OSBP2: variants seen among roughly 807,000 people sequenced by gnomAD.
OSBP2 encodes the protein oxysterol binding protein 2, also known as oxysterol-binding protein 2.
OSBP2 carries 66 observed loss-of-function variants against 96.0 expected under a neutral mutation model. That is an observed-to-expected ratio of 0.69 (90% CI 0.56 to 0.84). OSBP2 has a LOEUF of 0.84. OSBP2 is among the 40% of genes least tolerant of loss of function. The pLI, the probability that OSBP2 is intolerant of heterozygous loss-of-function variation, is 0.00. For synonymous variants in OSBP2, 525 were observed against 520.9 expected, an observed-to-expected ratio of 1.01 and a Z score of -0.11; for missense variants, 1,038 against 1,222.7, an observed-to-expected ratio of 0.85 and a Z score of 2.25.
At position 30,839,766 on chromosome 22, in the gene OSBP2, C is replaced by T. The variant is rs1005577754; in HGVS notation, c.854-30663C>T. Among the ~76,000 whole-genome samples the T allele has an allele frequency of 1.8e-4, 28 of 151,814 alleles. 2 individuals carry two copies. In the East Asian group the frequency reaches 3.9e-3, roughly 21 times the overall value. ...AGCCCTTTGTCAGATGAGTAGGTTG[C>T]GAAAATTTTCTCCCATTTTGTAGGT... is the stretch of plus-strand genomic sequence containing the variant. On this transcript the variant is annotated intron_variant, in intron 2 of 13. Transcript: ENST00000332585.
rs1569152890 is a variant in OSBP2, at chr22:30,858,138, TG to T, written c.854-12290del. Reference sequence around the variant, plus strand: ...TCACTTTGTTTTTTTTTTGTTTGTTTGTTTGTTTGTTTGTTTTTTGAGACGG... The same window carrying T: ...TCACTTTGTTTTTTTTTTGTTTGTTTTTTGTTTGTTTGTTTTTTGAGACGG... On this transcript the variant is annotated intron_variant, in intron 2 of 13. Transcript: ENST00000332585. Among the ~76,000 whole-genome samples, 388 of 91,706 alleles carry T rather than the reference TG, an allele frequency of 4.2e-3. 11 individuals carry two copies. The highest frequency in any genetic ancestry group is 0.011 in the Middle Eastern group (2 of 180). The allele number at this position is 91,706 out of a possible 152,430, so 60.2% of individuals were successfully genotyped here.
At chr22:30,848,633 C>A (rs150331928) in intron 2 of OSBP2, among the ~76,000 whole-genome samples, 1,662 of 152,258 alleles carry the variant, frequency 0.011, 40 homozygotes, top group African/African-American at 0.038. Context: ...GATCTTTATG[C>A]ACTATAGTTT....
At chr22:30,736,850 T>G (rs1027655067) in intron 1 of OSBP2, among the ~76,000 whole-genome samples, 4 of 152,262 alleles carry the variant, frequency 2.6e-5, no homozygotes, top group Non-Finnish European at 4.4e-5. Flanking sequence ...TACTTTTGTT[T>G]AGGAATATCT....
chr22:30,889,341 C>A, intron 6 of OSBP2, 107 bp downstream of exon 6: 1 of 1,416,658 alleles, frequency 7.1e-7, no homozygotes, highest in Non-Finnish European at 9.8e-7. Context: ...GGCCCATGCC[C>A]CAGTCCAGGA....
intron 2 of OSBP2, among the ~76,000 whole-genome samples, chr22:30,834,159 C>T (rs2038586109): frequency 6.6e-6 from 1 of 152,036 alleles, no homozygotes; most frequent in Admixed American, 6.6e-5. Context: ...AGGTGATCCT[C>T]CCACTTCAGC....
intron 2 of OSBP2, among the ~76,000 whole-genome samples, chr22:30,803,654 C>A (rs2090886885): frequency 6.6e-6 from 1 of 152,256 alleles, no homozygotes; most frequent in South Asian, 2.1e-4. Context: ...AGCCCTTTCC[C>A]TGCCTCCTTC....
chr22:30,797,133 A>G (rs2090775987), intron 2 of OSBP2, among the ~76,000 whole-genome samples: 1 of 152,180 alleles, frequency 6.6e-6, no homozygotes, highest in African/African-American at 2.4e-5. Flanking sequence ...TTCCCTTAGC[A>G]TAATGTCTTC....
At chr22:30,864,241 G>A (rs111668474) in intron 2 of OSBP2, among the ~76,000 whole-genome samples, 18,800 of 152,142 alleles carry the variant, frequency 0.12, 1,396 homozygotes, top group African/African-American at 0.21. Context: ...CAAAGTGCTG[G>A]GATTACATCA....
Position 30,695,529 on chromosome 22 carries a change from G to A in OSBP2, c.620G>A (p.Gly207Asp). 2.5e-6 allele frequency: 4 copies of A among 1,610,406 alleles called. No individual in the cohort carries two copies. The highest frequency in any genetic ancestry group is 3.4e-6 in the Non-Finnish European group (4 of 1,179,964). Residue 207 changes from glycine (G) to aspartate (D), a missense_variant, in exon 1 of 14, where the codon GGC becomes GAC. This residue lies in a region of OSBP2 where 281 missense variants were observed against 273.4 expected (regional missense o/e 1.03). Transcript: ENST00000332585. ...KGYQRRWFVL[G>D]NGLLSYYRNQ... is the part of the protein sequence containing the mutation. Reference sequence around the variant, plus strand: ...TACCAGCGCCGCTGGTTCGTGCTGGGCAATGGTTTGCTCTCTTACTACAGG... The same window carrying A: ...TACCAGCGCCGCTGGTTCGTGCTGGACAATGGTTTGCTCTCTTACTACAGG...
chr22:30,713,936 A>G (rs2089402132), intron 1 of OSBP2, among the ~76,000 whole-genome samples: 1 of 152,156 alleles, frequency 6.6e-6, no homozygotes, highest in Non-Finnish European at 1.5e-5. Context: ...TCTTCCGGTT[A>G]TTTGAAAATA....
chr22:30,884,946 C>T (rs1293544252), intron 3 of OSBP2, among the ~76,000 whole-genome samples: 1 of 152,186 alleles, frequency 6.6e-6, no homozygotes, highest in African/African-American at 2.4e-5. Context: ...AGGGGCAGGC[C>T]GTTGCCTGGG....
At chr22:30,855,671 T>C (rs1180204430) in intron 2 of OSBP2, among the ~76,000 whole-genome samples, 2 of 152,126 alleles carry the variant, frequency 1.3e-5, no homozygotes, top group Non-Finnish European at 2.9e-5. Context: ...CACTACATGC[T>C]AATCAGAGCC....
intron 1 of OSBP2, among the ~76,000 whole-genome samples, chr22:30,726,513 A>G (rs942435067): frequency 1.6e-4 from 24 of 152,144 alleles, no homozygotes; most frequent in Non-Finnish European, 2.8e-4. Context: ...GAGCATTAGG[A>G]CAAATACCTA....
In OSBP2 at chr22:30,715,788, C is replaced by T. The variant is rs539937565; in HGVS notation, c.644+20235C>T. On this transcript the variant is annotated intron_variant, in intron 1 of 13. Coordinates refer to ENST00000332585, the MANE Select transcript of OSBP2 (RefSeq NM_030758.4). ...GCCAGGCTGGTCTTGAACTCCTGAC[C>T]GCAGGCGACCTTCCCACCTTGGCCT... Among the ~76,000 whole-genome samples, 12 of 151,436 alleles carry T rather than the reference C, an allele frequency of 7.9e-5. No homozygotes were observed. In the East Asian group the frequency reaches 1.6e-3, roughly 20 times the overall value.
At position 30,849,129 on chromosome 22, in the gene OSBP2, A is replaced by T. The variant is rs1280028590; in HGVS notation, c.854-21300A>T. ...AAAAAAATTTAAAAATTAGCCAGGC[A>T]TGATGGTGCACGCCTGTAGTCCTAG... On this transcript the variant is annotated intron_variant, in intron 2 of 13. Coordinates refer to ENST00000332585, the MANE Select transcript of OSBP2 (RefSeq NM_030758.4). 2.6e-5 allele frequency among the ~76,000 whole-genome samples: 4 copies of T among 152,220 alleles called. No individual in the cohort carries two copies. In the South Asian group the frequency reaches 8.3e-4, roughly 32 times the overall value.
chr22:30,842,145 T>C (rs2038765383), intron 2 of OSBP2, among the ~76,000 whole-genome samples: 2 of 152,028 alleles, frequency 1.3e-5, no homozygotes, highest in South Asian at 4.2e-4. Context: ...CAGAGTTTTA[T>C]CGTGTCACCC....
At chr22:30,722,579 T>C (rs1172766866) in intron 1 of OSBP2, among the ~76,000 whole-genome samples, 1 of 152,160 alleles carries the variant, frequency 6.6e-6, no homozygotes, top group African/African-American at 2.4e-5. Context: ...ATTTTGTTTA[T>C]AGTTTCTGGA....
chr22:30,829,193 C>T (rs565350398), intron 2 of OSBP2, among the ~76,000 whole-genome samples: 3 of 152,326 alleles, frequency 2.0e-5, no homozygotes, highest in East Asian at 1.9e-4. Context: ...TTGGCGTTCA[C>T]GGGTTGGCGT....
intron 1 of OSBP2, among the ~76,000 whole-genome samples, chr22:30,714,391 C>T (rs1394351856): frequency 6.6e-6 from 1 of 151,560 alleles, no homozygotes; most frequent in African/African-American, 2.4e-5. Context: ...CTCTTCAACA[C>T]ACTGATTTTT....
Sources: gnomAD v4.1 joint callset for allele counts (sites outside exome capture counted in the v4.1 genomes callset) on GRCh38, gnomAD v4.1.1 for gene constraint, gnomAD v4.1.1 regional missense constraint, MANE v1.5 for transcripts, NCBI Gene and HGNC (gene_info 2026-07-23, HGNC 2026-07-21) for gene names.